Variants in RARB observed in about 807,000 individuals in gnomAD.
RARB encodes the protein retinoic acid receptor beta, also known as HBV-activated protein.
A neutral mutation model predicts 51.9 loss-of-function variants in RARB; 17 were observed. The observed-to-expected ratio is 0.33, with a 90% CI of 0.22 to 0.49. The LOEUF (loss-of-function observed/expected upper bound fraction) is 0.49, where lower values mean the gene tolerates loss of function less well. Ranked by LOEUF, RARB falls within the 20% of genes least tolerant of loss-of-function variation. The pLI is 0.99. For synonymous variants in RARB, 215 were observed against 195.4 expected, an observed-to-expected ratio of 1.10 and a Z score of -0.84; for missense variants, 369 against 550.8, an observed-to-expected ratio of 0.67 and a Z score of 3.30.
chr3:24,933,272 T>A (rs1695479395), intron 2 of RARB, among the ~76,000 whole-genome samples: 1 of 149,260 alleles, frequency 6.7e-6, no homozygotes, highest in African/African-American at 2.4e-5. Flanking sequence ...ATAACTATAT[T>A]TCACTATACA....
chr3:24,965,079 T>A (rs1473219630), intron 2 of RARB, among the ~76,000 whole-genome samples: 1 of 152,166 alleles, frequency 6.6e-6, no homozygotes, highest in Non-Finnish European at 1.5e-5. Flanking sequence ...TAATCGATTA[T>A]CCTTTCTACA....
At chr3:24,889,881 A>G (rs1703343830) in intron 2 of RARB, among the ~76,000 whole-genome samples, 1 of 151,478 alleles carries the variant, frequency 6.6e-6, no homozygotes, top group Non-Finnish European at 1.5e-5. Context: ...CATTCTAAGA[A>G]GTTACCTTCA....
chr3:25,436,286 CA>C (rs1708433937), intron 1 of RARB, among the ~76,000 whole-genome samples: 1 of 152,134 alleles, frequency 6.6e-6, no homozygotes, highest in African/African-American at 2.4e-5. Context: ...TCACATGATT[CA>C]TCCGTTTTGG....
intron 2 of RARB, among the ~76,000 whole-genome samples, chr3:24,920,893 T>C (rs765188394): frequency 3.9e-5 from 6 of 152,200 alleles, no homozygotes; most frequent in Non-Finnish European, 7.3e-5. Context: ...ATAATTGATA[T>C]GATTTGAGTG....
chr3:25,504,348 C>T (rs1468431384), intron 3 of RARB, among the ~76,000 whole-genome samples: 3 of 152,178 alleles, frequency 2.0e-5, no homozygotes, highest in South Asian at 2.1e-4. Context: ...ACTATTAGAT[C>T]CCGATTGTTC....
chr3:24,843,653 T>C (rs1288101607), intron 1 of RARB, among the ~76,000 whole-genome samples: 2 of 152,186 alleles, frequency 1.3e-5, no homozygotes, highest in Non-Finnish European at 2.9e-5. Flanking sequence ...ACTCTAACTA[T>C]GGTCCCCGAT....
At chr3:25,019,265 T>C (rs941621440) in intron 2 of RARB, among the ~76,000 whole-genome samples, 3 of 152,188 alleles carry the variant, frequency 2.0e-5, no homozygotes, top group African/African-American at 4.8e-5. Flanking sequence ...AATTCAGAAC[T>C]ATTTTTGATT....
intron 2 of RARB, among the ~76,000 whole-genome samples, chr3:25,051,570 C>G (rs563672079): frequency 7.0e-6 from 1 of 142,986 alleles, no homozygotes; most frequent in Non-Finnish European, 1.5e-5. Flanking sequence ...AGCTTCGTTA[C>G]CTACATGTAT....
At chr3:24,832,818 T>C (rs931024853) in intron 1 of RARB, among the ~76,000 whole-genome samples, 4 of 151,910 alleles carry the variant, frequency 2.6e-5, no homozygotes, top group Non-Finnish European at 5.9e-5. Flanking sequence ...ATCCAGTTAT[T>C]TAACCTCTCT....
chr3:25,067,233 C>T (rs757342838), intron 3 of RARB, among the ~76,000 whole-genome samples: 7 of 152,270 alleles, frequency 4.6e-5, no homozygotes, highest in Non-Finnish European at 1.0e-4. Context: ...TTGGATGATA[C>T]TGCCCGAGAG....
At chr3:25,139,403 T>C (rs1700077343) in intron 4 of RARB, among the ~76,000 whole-genome samples, 1 of 152,200 alleles carries the variant, frequency 6.6e-6, no homozygotes, top group Non-Finnish European at 1.5e-5. Flanking sequence ...AACAGCCTTA[T>C]TGCTGATACG....
intron 3 of RARB, among the ~76,000 whole-genome samples, chr3:25,510,572 G>A (rs1360577920): frequency 6.6e-6 from 1 of 151,850 alleles, no homozygotes; most frequent in African/African-American, 2.4e-5. Flanking sequence ...GCTGCATTGG[G>A]CCAAGATCGA....
At chr3:25,342,415 G>A (rs539274721) in intron 5 of RARB, among the ~76,000 whole-genome samples, 2 of 152,216 alleles carry the variant, frequency 1.3e-5, no homozygotes, top group East Asian at 1.9e-4. Flanking sequence ...AATCTTCATC[G>A]GCTGCTAGGA....
chr3:25,535,185 G>A (rs1336849344), intron 3 of RARB, among the ~76,000 whole-genome samples: 1 of 152,210 alleles, frequency 6.6e-6, no homozygotes, highest in African/African-American at 2.4e-5. Context: ...CTTTGGATCA[G>A]TCATTCTAAA....
chr3:25,323,553 A>G (rs945758986), intron 5 of RARB, among the ~76,000 whole-genome samples: 2 of 152,218 alleles, frequency 1.3e-5, no homozygotes, highest in African/African-American at 4.8e-5. Flanking sequence ...AATGAAAACT[A>G]TGAAAGTATG....
intron 2 of RARB, among the ~76,000 whole-genome samples, chr3:25,018,329 A>T (rs1697558659): frequency 2.0e-5 from 3 of 152,206 alleles, no homozygotes; most frequent in African/African-American, 7.2e-5. Context: ...CTAAAGCAGT[A>T]TAATCATTCT....
At chr3:25,129,486 GT>G (rs1225293933) in intron 3 of RARB, among the ~76,000 whole-genome samples, 1 of 152,006 alleles carries the variant, frequency 6.6e-6, no homozygotes, top group East Asian at 1.9e-4. Flanking sequence ...TCAAGACCAA[GT>G]TGAAATAGAT....
intron 2 of RARB, among the ~76,000 whole-genome samples, chr3:24,911,886 T>C (rs1278554196): frequency 1.3e-5 from 2 of 152,236 alleles, no homozygotes; most frequent in African/African-American, 4.8e-5. Context: ...TCAAAGCATC[T>C]TGTGATATTC....
chr3:25,088,460 G>A (rs992719104), intron 3 of RARB, among the ~76,000 whole-genome samples: 1 of 152,118 alleles, frequency 6.6e-6, no homozygotes. Context: ...GATGGCTGTG[G>A]GGTAGGGGGA....
Sources: gnomAD v4.1 joint callset for allele counts (sites outside exome capture counted in the v4.1 genomes callset) on GRCh38, gnomAD v4.1.1 for gene constraint, MANE v1.5 for transcripts, NCBI Gene and HGNC (gene_info 2026-07-23, HGNC 2026-07-21) for gene names.